Variants in ADGRL3 observed in about 807,000 individuals in gnomAD.
ADGRL3 encodes the protein calcium-independent alpha-latrotoxin receptor 3.
In ADGRL3, 62 loss-of-function variants were observed where a neutral mutation model predicts 153.5. The observed-to-expected ratio is 0.40, with a 90% CI of 0.33 to 0.50. The LOEUF (loss-of-function observed/expected upper bound fraction) is 0.50, where lower values mean the gene tolerates loss of function less well. Among genes scored for constraint, ADGRL3 ranks in the 20% least tolerant of loss-of-function variants. The pLI is 0.47. For synonymous variants in ADGRL3, 710 were observed against 672.5 expected, an observed-to-expected ratio of 1.06 and a Z score of -0.86; for missense variants, 1,641 against 1,859.4, an observed-to-expected ratio of 0.88 and a Z score of 2.16.
At chr4:62,029,387 A>G (rs1306263972) in intron 22 of ADGRL3, among the ~76,000 whole-genome samples, 2 of 151,814 alleles carry the variant, frequency 1.3e-5, no homozygotes, top group Admixed American at 6.6e-5. Context: ...TCATTTTTAC[A>G]TATGCAAAAT....
chr4:61,396,440 A>G (rs1199718741), intron 2 of ADGRL3, among the ~76,000 whole-genome samples: 2 of 151,986 alleles, frequency 1.3e-5, no homozygotes, highest in Non-Finnish European at 2.9e-5. Context: ...ATAGGAATAT[A>G]CATATCAAAT....
chr4:61,665,749 C>A (rs1446505291), intron 5 of ADGRL3, among the ~76,000 whole-genome samples: 1 of 152,094 alleles, frequency 6.6e-6, no homozygotes, highest in African/African-American at 2.4e-5. Context: ...CTATTTATTG[C>A]TTACTGGTGA....
intron 8 of ADGRL3, among the ~76,000 whole-genome samples, chr4:61,740,663 G>T (rs897162937): frequency 6.6e-6 from 1 of 152,150 alleles, no homozygotes; most frequent in Non-Finnish European, 1.5e-5. Flanking sequence ...GTAATAACAG[G>T]CATAGAAGCT....
At chr4:61,346,834 A>C (rs557290786) in intron 1 of ADGRL3, among the ~76,000 whole-genome samples, 1 of 151,804 alleles carries the variant, frequency 6.6e-6, no homozygotes, top group African/African-American at 2.4e-5. Context: ...GTTAATAATT[A>C]ATATTATCCT....
chr4:62,005,484 A>G lies in ADGRL3; in HGVS notation c.3395+7219A>G, dbSNP rs149691335. 9.5e-3 allele frequency among the ~76,000 whole-genome samples: 1,452 copies of G among 152,310 alleles called. 14 individuals carry two copies. Among genetic ancestry groups the G allele is most frequent in the Middle Eastern group, 0.061 (18 of 294 alleles). On this transcript the variant is annotated intron_variant, in intron 21 of 26. Coordinates refer to ENST00000683033, the MANE Select transcript of ADGRL3 (RefSeq NM_001387552.1). ...TTTTCCCCAAAATAATTAGGTTTCT[A>G]TCAGATATAGGAGAGTCAAGTGCTA...
intron 5 of ADGRL3, among the ~76,000 whole-genome samples, chr4:61,613,226 A>G (rs2091595453): frequency 6.6e-6 from 1 of 152,022 alleles, no homozygotes; most frequent in Non-Finnish European, 1.5e-5. Context: ...TTCTTTTGTT[A>G]CCTGTTCTTT....
chr4:61,263,774 T>C (rs368504968), intron 1 of ADGRL3, among the ~76,000 whole-genome samples: 2 of 152,106 alleles, frequency 1.3e-5, no homozygotes, highest in East Asian at 3.9e-4. Context: ...ATATAAGTAT[T>C]GAAACAGTAA....
At chr4:62,049,461 A>G (rs1282058563) in intron 25 of ADGRL3, among the ~76,000 whole-genome samples, 5 of 152,206 alleles carry the variant, frequency 3.3e-5, no homozygotes, top group Admixed American at 6.5e-5. Context: ...TGTTATATAT[A>G]GGAAGACTGA....
chr4:61,556,869 G>A (rs2098769682), intron 4 of ADGRL3, among the ~76,000 whole-genome samples: 1 of 152,104 alleles, frequency 6.6e-6, no homozygotes, highest in South Asian at 2.1e-4. Flanking sequence ...GTTAACACAG[G>A]CCCTTCTTTT....
chr4:61,915,139 G>T (rs1358716040), intron 13 of ADGRL3, among the ~76,000 whole-genome samples: 2 of 151,370 alleles, frequency 1.3e-5, no homozygotes, highest in Non-Finnish European at 2.9e-5. Flanking sequence ...CTTTTAATTT[G>T]CATTTTATTT....
At chr4:61,480,601 T>TG (rs139932448) in intron 2 of ADGRL3, among the ~76,000 whole-genome samples, 143,440 of 152,030 alleles carry the variant, frequency 0.94, 68,229 homozygotes, top group East Asian at 1. Context: ...CTGGACAATA[T>TG]GTGAAACCCT....
chr4:61,257,988 T>A (rs1485293581), intron 1 of ADGRL3, among the ~76,000 whole-genome samples: 1 of 152,128 alleles, frequency 6.6e-6, no homozygotes, highest in East Asian at 1.9e-4. Flanking sequence ...TCTGAGTACA[T>A]ACAGGTTAGG....
At chr4:61,272,473 T>C (rs2093244382) in intron 1 of ADGRL3, among the ~76,000 whole-genome samples, 1 of 152,130 alleles carries the variant, frequency 6.6e-6, no homozygotes, top group Admixed American at 6.6e-5. Flanking sequence ...GCATTTTATG[T>C]AATGAGGACT....
At chr4:61,279,958 A>G (rs549374183) in intron 1 of ADGRL3, among the ~76,000 whole-genome samples, 3 of 152,216 alleles carry the variant, frequency 2.0e-5, no homozygotes, top group South Asian at 4.2e-4. Flanking sequence ...AGACTTCTAT[A>G]TCAAATGTAC....
intron 4 of ADGRL3, among the ~76,000 whole-genome samples, chr4:61,586,690 G>A (rs1281307774): frequency 6.6e-6 from 1 of 151,968 alleles, no homozygotes; most frequent in African/African-American, 2.4e-5. Flanking sequence ...TCCTCCAAAT[G>A]AATCTCCATT....
At chr4:61,319,193 A>C (rs2095302618) in intron 1 of ADGRL3, among the ~76,000 whole-genome samples, 1 of 152,148 alleles carries the variant, frequency 6.6e-6, no homozygotes, top group Non-Finnish European at 1.5e-5. Context: ...TTTGTTAGAG[A>C]TGTAGCATTT....
At chr4:61,325,909 G>C (rs943365906) in intron 1 of ADGRL3, among the ~76,000 whole-genome samples, 4 of 152,212 alleles carry the variant, frequency 2.6e-5, no homozygotes, top group Middle Eastern at 6.8e-3. Flanking sequence ...GAGAATATTA[G>C]AACTCATTAC....
chr4:61,947,739 G>T (rs924894033), intron 16 of ADGRL3, among the ~76,000 whole-genome samples: 1 of 152,176 alleles, frequency 6.6e-6, no homozygotes, highest in African/African-American at 2.4e-5. Context: ...AAAGATTGAG[G>T]TTGTAAATTC....
intron 9 of ADGRL3, among the ~76,000 whole-genome samples, chr4:61,883,123 G>A (rs1371655405): frequency 6.6e-6 from 1 of 151,972 alleles, no homozygotes; most frequent in Admixed American, 6.6e-5. Flanking sequence ...CTCAAAAAAC[G>A]AAACAAAACA....
Sources: allele counts gnomAD v4.1 joint callset (sites outside exome capture counted in the v4.1 genomes callset), GRCh38; gene constraint gnomAD v4.1.1; transcripts MANE v1.5; gene names NCBI Gene and HGNC (gene_info 2026-07-23, HGNC 2026-07-21).